The following IGF2R variants were observed in gnomAD, a reference collection of about 807,000 sequenced individuals.
IGF2R encodes the protein cation-independent mannose-6-phosphate receptor.
IGF2R carries 91 observed loss-of-function variants against 270.6 expected under a neutral mutation model. The observed-to-expected ratio is 0.34, with a 90% CI of 0.28 to 0.40. The LOEUF is 0.40. Ranked by LOEUF, IGF2R falls within the 10% of genes least tolerant of loss-of-function variation. The pLI is 1.00. For missense variants in IGF2R, 2,805 were observed against 3,188.3 expected (o/e 0.88, Z 2.90); for synonymous variants, 1,316 against 1,258.9 (o/e 1.05, Z -0.96).
intron 29 of IGF2R, among the ~76,000 whole-genome samples, chr6:160,065,814 G>GTGTGTGTGTGTGTGTATATATATATATA: frequency 1.3e-5 from 1 of 78,388 alleles, no homozygotes; most frequent in Non-Finnish European, 2.3e-5. Flanking sequence ...GTGTGTGTGT[G>GTGTGTGTGTGTGTGTATATATATATATA]TATATATATA....
At chr6:160,073,192 C>A (rs778985451) in intron 33 of IGF2R, 21 bp from the exon 34 acceptor site, 1 of 1,606,412 alleles carries the variant, frequency 6.2e-7, no homozygotes, top group Non-Finnish European at 8.5e-7. Flanking sequence ...GTGTTTTCTC[C>A]GCCTTTCCCT....
intron 41 of IGF2R, 58 bp from the exon 42 acceptor site, chr6:160,087,975 C>G: frequency 8.6e-7 from 1 of 1,158,990 alleles, no homozygotes; most frequent in Non-Finnish European, 1.3e-6. Flanking sequence ...CTGCGCCTGC[C>G]TGAGGCTTTT....
Position 159,969,229 on chromosome 6 carries a change from C to CA in IGF2R, c.-17dup, listed in dbSNP as rs1210695703. 3 of 990,538 alleles carry CA rather than the reference C, an allele frequency of 3.0e-6. No individual in the cohort carries two copies. 61.4% of individuals were successfully genotyped at this position (990,538 alleles called of 1,614,324 possible). On this transcript the variant is annotated 5_prime_UTR_variant, in exon 1 of 48. Coordinates refer to ENST00000356956, the MANE Select transcript of IGF2R (RefSeq NM_000876.4). The stretch of plus-strand genomic sequence containing the variant: ...CGCCGTTAGCCTCGCGCCCGCCGCG[C>CA]AGTCCGGGCCCGGCGCGATGGGGGC...
intron 15 of IGF2R, 105 bp downstream of exon 15, chr6:160,046,750 G>T: frequency 1.7e-6 from 2 of 1,209,076 alleles, no homozygotes. Flanking sequence ...TTTATGACAA[G>T]CATTTAAATA....
chr6:159,978,485 T>G (rs898575429), intron 1 of IGF2R, among the ~76,000 whole-genome samples: 1 of 152,002 alleles, frequency 6.6e-6, no homozygotes, highest in Non-Finnish European at 1.5e-5. Context: ...GATCAGGAAG[T>G]CTCAGCTAAC....
intron 15 of IGF2R, 90 bp from the exon 16 acceptor site, chr6:160,047,069 C>A: frequency 8.1e-7 from 1 of 1,234,188 alleles, no homozygotes; most frequent in South Asian, 1.2e-5. Context: ...TGACTCCTCA[C>A]GTCGCTCACG....
chr6:160,002,107 C>G (rs904644320), intron 2 of IGF2R, among the ~76,000 whole-genome samples: 1 of 152,248 alleles, frequency 6.6e-6, no homozygotes, highest in East Asian at 1.9e-4. Flanking sequence ...TTAAGAAAAT[C>G]AGGCCGGGTG....
chr6:160,041,802 T>C (rs1777952968), intron 11 of IGF2R, among the ~76,000 whole-genome samples: 1 of 152,158 alleles, frequency 6.6e-6, no homozygotes, highest in South Asian at 2.1e-4. Context: ...AACGGTGCCA[T>C]AGTTAATTCT....
intron 2 of IGF2R, chr6:160,003,689 A>G (rs1024648053): frequency 2.6e-5 from 4 of 152,258 alleles, no homozygotes; most frequent in African/African-American, 7.2e-5. Context: ...CGGTTTAGGT[A>G]CTGGAATTGA....
At chr6:160,078,089 C>T (rs1778892946) in intron 36 of IGF2R, 112 bp from the exon 37 acceptor site, 1 of 1,019,624 alleles carries the variant, frequency 9.8e-7, no homozygotes, top group Non-Finnish European at 1.5e-6. Context: ...GCATCCCTTC[C>T]CTCTGAGAGG....
At chr6:160,030,881 T>C (rs1777681221) in intron 7 of IGF2R, among the ~76,000 whole-genome samples, 1 of 151,640 alleles carries the variant, frequency 6.6e-6, no homozygotes, top group Non-Finnish European at 1.5e-5. Context: ...CGGAGTGCAG[T>C]GCCACGATCT....
At chr6:159,977,602 C>T (rs2115169169) in intron 1 of IGF2R, among the ~76,000 whole-genome samples, 1 of 152,350 alleles carries the variant, frequency 6.6e-6, no homozygotes, top group East Asian at 1.9e-4. Flanking sequence ...CACTTCTTTT[C>T]TCTGGACCTC....
chr6:160,103,378 G>A (rs1779535669), intron 46 of IGF2R, among the ~76,000 whole-genome samples: 1 of 151,990 alleles, frequency 6.6e-6, no homozygotes, highest in African/African-American at 2.4e-5. Flanking sequence ...GAATGGGGCA[G>A]AAGAAGGTCT....
In IGF2R at chr6:160,062,560, G is replaced by A; in HGVS notation, c.3611G>A (p.Gly1204Asp). The change falls in exon 26 of 48, where the codon GGT (glycine) becomes GAT (aspartate). Residue 1204 changes from glycine to aspartate, a missense_variant. Around this residue, in one of 2 missense-constraint regions of IGF2R, gnomAD observed 1,851 missense variants for 2,207.2 expected, o/e 0.84. Coordinates refer to ENST00000356956, the MANE Select transcript of IGF2R (RefSeq NM_000876.4). ...TCACCAGCATTTCAGCTTCAGGATG[G>A]TTGTGAGTACGTGTTTATCTGGAGA... Reference protein sequence around the residue: ...SGSPAFQLQDGCEYVFIWRTV... With the variant: ...SGSPAFQLQDDCEYVFIWRTV... The A allele has an allele frequency of 6.2e-7, 1 of 1,613,956 alleles. No homozygotes were observed. Among genetic ancestry groups the A allele is most frequent in the Non-Finnish European group, 8.5e-7 (1 of 1,179,828 alleles).
intron 17 of IGF2R, 138 bp from the exon 18 acceptor site, chr6:160,048,237 A>G (rs1778113902): frequency 3.6e-6 from 3 of 827,742 alleles, no homozygotes; most frequent in South Asian, 1.5e-5. Flanking sequence ...TCATGCGCCC[A>G]GACAAGCCAA....
intron 16 of IGF2R, 73 bp from the exon 17 acceptor site, chr6:160,047,719 T>C: frequency 1.0e-6 from 1 of 961,704 alleles, no homozygotes; most frequent in Non-Finnish European, 1.7e-6. Flanking sequence ...GCTCTCGTCC[T>C]TTTTTGAATC....
intron 19 of IGF2R, among the ~76,000 whole-genome samples, chr6:160,053,067 C>T (rs1778234141): frequency 6.6e-6 from 1 of 152,122 alleles, no homozygotes; most frequent in Non-Finnish European, 1.5e-5. Context: ...GCAACAAAAG[C>T]CAGAATAGAC....
intron 30 of IGF2R, 74 bp from the exon 31 acceptor site, chr6:160,069,794 T>C: frequency 7.2e-7 from 1 of 1,387,026 alleles, no homozygotes; most frequent in Non-Finnish European, 1.0e-6. Flanking sequence ...TGTGTGACAT[T>C]TATTGCCTGA....
chr6:160,102,807 ACT>A lies in IGF2R; in HGVS notation c.6995+141_6995+142del, dbSNP rs1201604095. 3 of 1,035,416 alleles carry A rather than the reference ACT, an allele frequency of 2.9e-6. No homozygotes were observed. Among genetic ancestry groups the A allele is most frequent in the South Asian group, 3.5e-5 (2 of 56,910 alleles). The allele number at this position is 1,035,416 out of a possible 1,614,324, so 64.1% of individuals were successfully genotyped here. The stretch of plus-strand genomic sequence containing the variant: ...GAAGGCTCGAGGTTCTTAGTCCAAA[ACT>A]CTCTGGAAGCAGTCCCCAGCGTTGT... On this transcript the variant is annotated intron_variant, in intron 46 of 47. Coordinates refer to ENST00000356956, the MANE Select transcript of IGF2R (RefSeq NM_000876.4). The surrounding 1 kb of genome is among the most constrained non-coding windows in gnomAD (Gnocchi z 4.5).
Sources: allele counts gnomAD v4.1 joint callset (sites outside exome capture counted in the v4.1 genomes callset), GRCh38; gene constraint gnomAD v4.1.1; regional missense constraint gnomAD v4.1.1; non-coding constraint Gnocchi (gnomAD v3.1); transcripts MANE v1.5; gene names NCBI Gene and HGNC (gene_info 2026-07-23, HGNC 2026-07-21).